The following LPIN1 variants were observed in gnomAD, a reference collection of about 807,000 sequenced individuals.
The protein encoded by LPIN1 is phosphatidate phosphatase LPIN1.
Under a neutral mutation model 107.5 loss-of-function variants are expected in LPIN1, and 71 were observed. That is an observed-to-expected ratio of 0.66 (90% CI 0.55 to 0.80). The LOEUF (loss-of-function observed/expected upper bound fraction) is 0.80, where lower values mean the gene tolerates loss of function less well. LPIN1 is among the 30% of genes least tolerant of loss of function. LPIN1 has a pLI of 0.00. For synonymous variants in LPIN1, 445 were observed against 452.6 expected (o/e 0.98, Z 0.21); for missense variants, 1,043 against 1,160.6 (o/e 0.90, Z 1.47).
chr2:11,769,946 G>A (rs1671582241), intron 3 of LPIN1, among the ~76,000 whole-genome samples: 1 of 152,174 alleles, frequency 6.6e-6, no homozygotes, highest in Non-Finnish European at 1.5e-5. Context: ...CATCCTGCCC[G>A]CCCAGAATGG....
At chr2:11,780,299 G>C (rs1673373915) in intron 7 of LPIN1, among the ~76,000 whole-genome samples, 1 of 152,212 alleles carries the variant, frequency 6.6e-6, no homozygotes, top group East Asian at 1.9e-4. Flanking sequence ...GAGTCTGCTA[G>C]GTCATTGATG....
chr2:11,701,044 T>G (rs940496455), intron 1 of LPIN1, among the ~76,000 whole-genome samples: 1 of 152,192 alleles, frequency 6.6e-6, no homozygotes, highest in Admixed American at 6.5e-5. Flanking sequence ...CACTCTGTGT[T>G]CTGGTGTCCT....
chr2:11,813,416 C>T lies in LPIN1; in HGVS notation c.2250-1672C>T, dbSNP rs549671284. 7.2e-5 allele frequency among the ~76,000 whole-genome samples: 11 copies of T among 151,798 alleles called. No individual in the cohort carries two copies. The East Asian group carries it at 1.7e-3, about 24-fold the overall frequency. ...AAAGTAAACTTTAATGTCGAAAATG[C>T]AAACTTGGGGAAGACAGAAAAGGTC... On this transcript the variant is annotated intron_variant, in intron 17 of 20. Transcript: ENST00000674199.
At chr2:11,779,173 G>T (rs1031683055) in intron 6 of LPIN1, among the ~76,000 whole-genome samples, 1 of 152,358 alleles carries the variant, frequency 6.6e-6, no homozygotes, top group South Asian at 2.1e-4. Flanking sequence ...GGAGATGCGA[G>T]TGCAGAGTGG....
chr2:11,696,095 C>A (rs577581226), intron 1 of LPIN1, among the ~76,000 whole-genome samples: 1 of 142,652 alleles, frequency 7.0e-6, no homozygotes, highest in African/African-American at 2.7e-5. Context: ...AGGATCCATG[C>A]GGAGAACATG....
At position 11,726,475 on chromosome 2, in the gene LPIN1, G is replaced by GC. The variant is rs1664669574; in HGVS notation, c.-72+1942dup. Among the ~76,000 whole-genome samples the GC allele has an allele frequency of 2.0e-5, 3 of 147,722 alleles. No homozygotes were observed. In the South Asian group the frequency reaches 6.5e-4, roughly 32 times the overall value. ...GTTACTCCCAGCCACGCTCTCCCCC[G>GC]CCCCCCATCTCTTCTCTGCTCATCT... On this transcript the variant is annotated intron_variant, in intron 1 of 21. Coordinates refer to the LPIN1 transcript ENST00000396097.
chr2:11,811,295 CCTT>C (rs1402372532), intron 17 of LPIN1, among the ~76,000 whole-genome samples: 2 of 152,176 alleles, frequency 1.3e-5, no homozygotes, highest in Admixed American at 6.5e-5. Context: ...CACCGGTTGT[CCTT>C]CTGAGTGAGG....
intron 2 of LPIN1, among the ~76,000 whole-genome samples, chr2:11,766,574 G>T (rs1235130241): frequency 6.6e-6 from 1 of 152,122 alleles, no homozygotes; most frequent in Non-Finnish European, 1.5e-5. Context: ...AGGAAAACAT[G>T]CACACGTGCA....
At chr2:11,720,658 G>C (rs1236353285), upstream of LPIN1, among the ~76,000 whole-genome samples, 1 of 152,048 alleles carries the variant, frequency 6.6e-6, no homozygotes, top group Non-Finnish European at 1.5e-5. Flanking sequence ...AGAAATGGAA[G>C]CAATGCAGTG....
chr2:11,749,521 C>G (rs974785562), intron 1 of LPIN1, among the ~76,000 whole-genome samples: 2 of 152,156 alleles, frequency 1.3e-5, no homozygotes, highest in Non-Finnish European at 2.9e-5. Flanking sequence ...CCCTTAGCAG[C>G]TGGGGTTGGG....
rs1269771663 is a variant in LPIN1, at chr2:11,824,730, C to T, written c.2720C>T (p.Thr907Ile). The T allele has an allele frequency of 6.2e-7, 1 of 1,614,062 alleles. No homozygotes were observed. ...FPCSDTFSNFTFWREPLPPFE... is the reference protein window; with the variant it reads ...FPCSDTFSNFIFWREPLPPFE... ...TGTTCGGATACCTTCAGTAACTTCA[C>T]CTTTTGGAGAGAGCCACTGCCACCT... Residue 907 changes from threonine (T) to isoleucine (I), a missense_variant, in exon 21 of 21, where the codon ACC (threonine) becomes ATC (isoleucine). By Grantham distance (89) the Thr-to-Ile change is moderately conservative. Coordinates refer to ENST00000674199, the MANE Select transcript of LPIN1 (RefSeq NM_001349206.2).
chr2:11,702,992 G>C (rs1338378934), intron 1 of LPIN1, among the ~76,000 whole-genome samples: 2 of 152,160 alleles, frequency 1.3e-5, no homozygotes, highest in African/African-American at 4.8e-5. Context: ...GGATATTTCT[G>C]CAGCAAGATT....
intron 10 of LPIN1, among the ~76,000 whole-genome samples, chr2:11,785,868 C>A (rs778954899): frequency 6.6e-6 from 1 of 152,200 alleles, no homozygotes; most frequent in East Asian, 1.9e-4. Flanking sequence ...TGTTCTCACG[C>A]CCGTGCCAGC....
At chr2:11,715,536 A>G (rs894394409) in intron 2 of LPIN1, among the ~76,000 whole-genome samples, 1 of 152,218 alleles carries the variant, frequency 6.6e-6, no homozygotes, top group African/African-American at 2.4e-5. Flanking sequence ...GACTTCTCTG[A>G]GTTGCATTCC....
At chr2:11,750,571 G>A (rs538513272) in intron 1 of LPIN1, among the ~76,000 whole-genome samples, 2 of 152,346 alleles carry the variant, frequency 1.3e-5, no homozygotes, top group African/African-American at 2.4e-5. Flanking sequence ...CACAGAATTA[G>A]CACGTGGTTT....
chr2:11,686,619 C>T (rs776632377), intron 1 of LPIN1, among the ~76,000 whole-genome samples: 3 of 152,068 alleles, frequency 2.0e-5, no homozygotes, highest in Non-Finnish European at 4.4e-5. Flanking sequence ...GCCTGGGCAC[C>T]ACGGGCAGAG....
At chr2:11,751,998 C>G (rs539436299) in intron 1 of LPIN1, among the ~76,000 whole-genome samples, 1 of 152,262 alleles carries the variant, frequency 6.6e-6, no homozygotes, top group Admixed American at 6.5e-5. Flanking sequence ...TCATAATATT[C>G]CATTTTACAA....
intron 2 of LPIN1, among the ~76,000 whole-genome samples, chr2:11,714,436 C>T (rs1383938813): frequency 6.6e-6 from 1 of 152,206 alleles, no homozygotes; most frequent in East Asian, 1.9e-4. Flanking sequence ...TACCCTCACT[C>T]CTCAAACTCT....
At chr2:11,704,649 A>G (rs924307148) in intron 1 of LPIN1, among the ~76,000 whole-genome samples, 3 of 152,196 alleles carry the variant, frequency 2.0e-5, no homozygotes, top group Non-Finnish European at 4.4e-5. Flanking sequence ...TCTAGCAGGA[A>G]GCACCATGCA....
Sources: gnomAD v4.1 joint callset for allele counts (sites outside exome capture counted in the v4.1 genomes callset) on GRCh38, gnomAD v4.1.1 for gene constraint, MANE v1.5 for transcripts, NCBI Gene and HGNC (gene_info 2026-07-23, HGNC 2026-07-21) for gene names.